Variants in RAB28 observed in about 807,000 individuals in gnomAD.
RAB28 encodes ras-related protein Rab-28.
A neutral mutation model predicts 31.7 loss-of-function variants in RAB28; 24 were observed. That is an observed-to-expected ratio of 0.76 (90% CI 0.55 to 1.06). The LOEUF is 1.06. Ranked by LOEUF, RAB28 falls within the 50% of genes least tolerant of loss-of-function variation. RAB28 has a pLI of 0.00. For synonymous variants in RAB28, 100 were observed against 90.4 expected (o/e 1.11, Z -0.60); for missense variants, 254 against 258.5 (o/e 0.98, Z 0.12).
At chr4:13,435,174 T>G (rs965983541) in intron 4 of RAB28, among the ~76,000 whole-genome samples, 1 of 151,396 alleles carries the variant, frequency 6.6e-6, no homozygotes, top group Non-Finnish European at 1.5e-5. Context: ...CAAAAATTAC[T>G]TAAAATAAAT....
At chr4:13,390,732 G>A (rs1280299212) in intron 4 of RAB28, among the ~76,000 whole-genome samples, 1 of 152,072 alleles carries the variant, frequency 6.6e-6, no homozygotes, top group Non-Finnish European at 1.5e-5. Flanking sequence ...ACAGAACAGA[G>A]GCCTCAGAAA....
chr4:13,430,776 C>A (rs1713766302), intron 4 of RAB28, among the ~76,000 whole-genome samples: 1 of 152,128 alleles, frequency 6.6e-6, no homozygotes, highest in Non-Finnish European at 1.5e-5. Context: ...GCACAGGAGA[C>A]CAGAAGCTCC....
intron 2 of RAB28, among the ~76,000 whole-genome samples, chr4:13,476,788 T>C (rs1013318450): frequency 3.3e-5 from 5 of 151,402 alleles, no homozygotes; most frequent in Admixed American, 6.6e-5. Flanking sequence ...ATAAAGAACA[T>C]TAAGGAAATT....
At position 13,460,734 on chromosome 4, in the gene RAB28, T is replaced by G; in HGVS notation, c.356A>C (p.Glu119Ala). 1 of 1,614,094 alleles carries G rather than the reference T, an allele frequency of 6.2e-7. No individual in the cohort carries two copies. The highest frequency in any genetic ancestry group is 8.5e-7 in the Non-Finnish European group (1 of 1,179,960). Residue 119 changes from glutamate to alanine, a missense_variant, in exon 4 of 7, where the codon GAA (glutamate) becomes GCA (alanine). Transcript: ENST00000330852. ...TACCAAGGCAACCAGTGGCTGAGTTTCTGACTCCTCGCTCACTTTCTTCAC... is the reference window on the plus strand; with the variant it reads ...TACCAAGGCAACCAGTGGCTGAGTTGCTGACTCCTCGCTCACTTTCTTCAC... ...TVVKKVSEES[E>A]TQPLVALVGN...
chr4:13,417,326 G>A (rs1455260678), intron 4 of RAB28, among the ~76,000 whole-genome samples: 3 of 152,212 alleles, frequency 2.0e-5, no homozygotes, highest in Non-Finnish European at 4.4e-5. Context: ...TAGCTGAACA[G>A]AAGGCAGCAG....
chr4:13,383,235 G>GA (rs1053099518), intron 4 of RAB28, among the ~76,000 whole-genome samples: 34 of 152,070 alleles, frequency 2.2e-4, no homozygotes, highest in South Asian at 1.2e-3. Flanking sequence ...TTGTCACGAG[G>GA]AAAAATCCCC....
chr4:13,398,022 G>T (rs10939478), intron 4 of RAB28, among the ~76,000 whole-genome samples: 9,168 of 151,806 alleles, frequency 0.06, 641 homozygotes, highest in African/African-American at 0.17. Flanking sequence ...CAAGTAAGAA[G>T]TCACATTATT....
chr4:13,440,317 T>C (rs1377243609), intron 4 of RAB28, among the ~76,000 whole-genome samples: 1 of 152,144 alleles, frequency 6.6e-6, no homozygotes, highest in Admixed American at 6.5e-5. Flanking sequence ...CACTCTTCTT[T>C]TGGCATCCAT....
intron 3 of RAB28, among the ~76,000 whole-genome samples, chr4:13,467,252 T>C (rs1022012024): frequency 2.0e-5 from 3 of 152,036 alleles, no homozygotes; most frequent in Middle Eastern, 3.4e-3. Context: ...TCACATTGTA[T>C]TGATAAATCA....
intron 2 of RAB28, among the ~76,000 whole-genome samples, chr4:13,475,864 C>T (rs1716339660): frequency 6.6e-6 from 1 of 151,520 alleles, no homozygotes; most frequent in Admixed American, 6.6e-5. Context: ...TTCTATAATG[C>T]TGTCTCAAAT....
intron 4 of RAB28, among the ~76,000 whole-genome samples, chr4:13,416,602 C>G (rs758038202): frequency 6.6e-6 from 1 of 152,118 alleles, no homozygotes; most frequent in Admixed American, 6.5e-5. Flanking sequence ...AATTCTAGAA[C>G]AGGCAAAACC....
At chr4:13,427,928 A>T (rs560749594) in intron 4 of RAB28, among the ~76,000 whole-genome samples, 2 of 152,300 alleles carry the variant, frequency 1.3e-5, no homozygotes, top group South Asian at 4.1e-4. Context: ...GGCAAGACTC[A>T]CGTCTCCAAA....
intron 4 of RAB28, among the ~76,000 whole-genome samples, chr4:13,447,658 G>T (rs1714767183): frequency 6.6e-6 from 1 of 152,036 alleles, no homozygotes; most frequent in African/African-American, 2.4e-5. Flanking sequence ...CTTAAAGTTG[G>T]CCATATGTCC....
intron 6 of RAB28, chr4:13,371,133 G>T (rs1302510135): frequency 1.0e-6 from 1 of 985,186 alleles, no homozygotes; most frequent in African/African-American, 1.7e-5. Flanking sequence ...GAGAGTAAAT[G>T]AATAGGATGC....
At chr4:13,433,091 T>C (rs75281364) in intron 4 of RAB28, among the ~76,000 whole-genome samples, 1 of 142,216 alleles carries the variant, frequency 7.0e-6, no homozygotes, top group Non-Finnish European at 1.5e-5. Context: ...ATGACACCCA[T>C]AGGCTCAAAG....
At chr4:13,413,794 A>G (rs1577188961) in intron 4 of RAB28, among the ~76,000 whole-genome samples, 1 of 152,336 alleles carries the variant, frequency 6.6e-6, no homozygotes, top group Admixed American at 6.5e-5. Context: ...TTATTCCAAT[A>G]AACTTGTGCT....
intron 3 of RAB28, among the ~76,000 whole-genome samples, chr4:13,470,906 T>TG (rs1318940487): frequency 6.6e-6 from 1 of 152,078 alleles, no homozygotes; most frequent in African/African-American, 2.4e-5. Context: ...TTAATGTTGC[T>TG]GGGGGCAAAG....
At chr4:13,481,201 C>T (rs1042477003) in intron 1 of RAB28, among the ~76,000 whole-genome samples, 3 of 152,018 alleles carry the variant, frequency 2.0e-5, no homozygotes, top group African/African-American at 4.8e-5. Flanking sequence ...GAAAGCCCTG[C>T]TTTCACACTT....
Position 13,455,139 on chromosome 4 carries a change from G to C in RAB28, c.391+5560C>G, listed in dbSNP as rs149530921. Reference sequence around the variant, plus strand: ...GGGCAGCCTATGGAGCTGTTTCTCAGGCAGGGGATGCAGACACACAGATGC... The same window carrying C: ...GGGCAGCCTATGGAGCTGTTTCTCACGCAGGGGATGCAGACACACAGATGC... On this transcript the variant is annotated intron_variant, in intron 4 of 6. Coordinates refer to ENST00000330852, the MANE Select transcript of RAB28 (RefSeq NM_001017979.3). Among the ~76,000 whole-genome samples, 528 of 152,306 alleles carry C rather than the reference G, an allele frequency of 3.5e-3. 6 individuals carry two copies. The highest frequency in any genetic ancestry group is 0.012 in the African/African-American group (490 of 41,562).
Sources: allele counts gnomAD v4.1 joint callset (sites outside exome capture counted in the v4.1 genomes callset), GRCh38; gene constraint gnomAD v4.1.1; transcripts MANE v1.5; gene names NCBI Gene and HGNC (gene_info 2026-07-23, HGNC 2026-07-21).